PDLIM5: variants seen among roughly 807,000 people sequenced by gnomAD.
The protein encoded by PDLIM5 is PDZ and LIM domain protein 5.
Under a neutral mutation model 64.2 loss-of-function variants are expected in PDLIM5, and 34 were observed. That is an observed-to-expected ratio of 0.53 (90% CI 0.40 to 0.71). The LOEUF (loss-of-function observed/expected upper bound fraction) is 0.71, where lower values mean the gene tolerates loss of function less well. PDLIM5 is among the 30% of genes least tolerant of loss of function. PDLIM5 has a pLI of 0.00. For missense variants in PDLIM5, 683 were observed against 733.6 expected (o/e 0.93, Z 0.80); for synonymous variants, 253 against 269.1 (o/e 0.94, Z 0.59).
intron 3 of PDLIM5, among the ~76,000 whole-genome samples, chr4:94,563,051 A>G (rs1274854045): frequency 6.6e-6 from 1 of 152,184 alleles, no homozygotes; most frequent in Non-Finnish European, 1.5e-5. Context: ...AAACAAAAAT[A>G]AAGATTATTA....
intron 7 of PDLIM5, among the ~76,000 whole-genome samples, chr4:94,598,317 C>A (rs1330580566): frequency 1.3e-5 from 2 of 152,114 alleles, no homozygotes; most frequent in Non-Finnish European, 2.9e-5. Flanking sequence ...TAGTTCTGTT[C>A]TGCACTAGTA....
chr4:94,474,356 T>G (rs1481272193), intron 2 of PDLIM5, among the ~76,000 whole-genome samples: 1 of 152,172 alleles, frequency 6.6e-6, no homozygotes, highest in African/African-American at 2.4e-5. Flanking sequence ...GTTCAAGTGA[T>G]TCTTCTGCCT....
rs1400183342 is a variant in PDLIM5, at chr4:94,659,486, ATGTG to A, written c.1585+1943_1585+1946del. Among the ~76,000 whole-genome samples, 6 of 113,418 alleles carry A rather than the reference ATGTG, an allele frequency of 5.3e-5. No individual in the cohort carries two copies. The East Asian group carries it at 1.6e-3, about 30-fold the overall frequency. The allele number at this position is 113,418 out of a possible 152,430, so 74.4% of individuals were successfully genotyped here. A position where few individuals can be genotyped will look rare whatever the true frequency, so the allele number is the denominator to read the frequency against. ...CAGGCATAGAGCAGCTGTAGTATAT[ATGTG>A]TGTATGTGTGTGTGTGTGTGTGTGT... On this transcript the variant is annotated intron_variant, in intron 11 of 12. Transcript: ENST00000317968.
chr4:94,542,145 C>G (rs1055454290), intron 3 of PDLIM5, among the ~76,000 whole-genome samples: 3 of 152,016 alleles, frequency 2.0e-5, no homozygotes, highest in Admixed American at 6.6e-5. Context: ...AACTCCGTCT[C>G]TACTAAAAAT....
At chr4:94,533,722 C>G (rs1731088034) in intron 3 of PDLIM5, among the ~76,000 whole-genome samples, 1 of 152,158 alleles carries the variant, frequency 6.6e-6, no homozygotes, top group Non-Finnish European at 1.5e-5. Context: ...TTCTCTCTTC[C>G]TATTTCTCTC....
chr4:94,508,532 G>A (rs577282888), intron 2 of PDLIM5, among the ~76,000 whole-genome samples: 2 of 152,204 alleles, frequency 1.3e-5, no homozygotes, highest in East Asian at 1.9e-4. Flanking sequence ...GGGCTGGAAT[G>A]GGCTGAAGAC....
intron 3 of PDLIM5, among the ~76,000 whole-genome samples, chr4:94,539,968 CTG>C (rs1731644205): frequency 6.6e-6 from 1 of 151,922 alleles, no homozygotes; most frequent in Non-Finnish European, 1.5e-5. Flanking sequence ...TAATGGGAAA[CTG>C]TGGAAGAGTT....
At chr4:94,515,499 G>T (rs1729282436) in intron 2 of PDLIM5, among the ~76,000 whole-genome samples, 1 of 152,084 alleles carries the variant, frequency 6.6e-6, no homozygotes, top group South Asian at 2.1e-4. Flanking sequence ...GTTTTGAAAG[G>T]CCTGTGATTT....
Position 94,575,993 on chromosome 4 carries a change from A to G in PDLIM5, c.669A>G (p.Gly223=), listed in dbSNP as rs768811116. Residue 223 remains glycine (G), a synonymous_variant, in exon 5 of 13, where the codon GGA becomes GGG. Transcript: ENST00000317968. ...AGACTTCTCAGGAGCTAGCAGAGGG[A>G]CAGAGAAGAGGATCCCAGGGTGACA... ...CSETSQELAE[G]QRRGSQGDSK... 6.2e-7 allele frequency: 1 copy of G among 1,614,012 alleles called. No individual in the cohort carries two copies. Among genetic ancestry groups the G allele is most frequent in the African/African-American group, 1.3e-5 (1 of 74,914 alleles).
intron 2 of PDLIM5, among the ~76,000 whole-genome samples, chr4:94,486,674 G>C (rs1426026103): frequency 6.6e-6 from 1 of 152,088 alleles, no homozygotes; most frequent in East Asian, 1.9e-4. Context: ...TGAACACGAT[G>C]CTTGGAATTT....
rs191376280 is a variant in PDLIM5, at chr4:94,473,955, A to G, written c.96+18571A>G. 1.6e-4 allele frequency among the ~76,000 whole-genome samples: 25 copies of G among 152,300 alleles called. No homozygotes were observed. The East Asian group carries it at 4.4e-3, about 27-fold the overall frequency. On this transcript the variant is annotated intron_variant, in intron 2 of 12. Coordinates refer to ENST00000317968, the MANE Select transcript of PDLIM5 (RefSeq NM_006457.5). Reference sequence around the variant, plus strand: ...AATTTATTTTCATTGTCATCATCCTAACAATAATACTCACTTTAAAAATCA... The same window carrying G: ...AATTTATTTTCATTGTCATCATCCTGACAATAATACTCACTTTAAAAATCA...
chr4:94,545,440 GA>G, intron 3 of PDLIM5, among the ~76,000 whole-genome samples: 1 of 151,858 alleles, frequency 6.6e-6, no homozygotes, highest in Non-Finnish European at 1.5e-5. Flanking sequence ...TTTTCCGGGG[GA>G]AAAAAGGATC....
At chr4:94,510,454 T>C (rs73833924) in intron 2 of PDLIM5, among the ~76,000 whole-genome samples, 1,544 of 152,330 alleles carry the variant, frequency 0.01, 20 homozygotes, top group East Asian at 0.065. Flanking sequence ...TTCTTAGTGA[T>C]GTCTGCTTGA....
chr4:94,546,981 T>A (rs1033993709), intron 3 of PDLIM5, among the ~76,000 whole-genome samples: 2 of 151,902 alleles, frequency 1.3e-5, no homozygotes, highest in African/African-American at 4.8e-5. Flanking sequence ...GAAAAAAAAA[T>A]ATATATCTAA....
chr4:94,648,445 G>C (rs1392188836), intron 9 of PDLIM5, among the ~76,000 whole-genome samples: 1 of 152,178 alleles, frequency 6.6e-6, no homozygotes, highest in East Asian at 1.9e-4. Flanking sequence ...TTGGCCTCCT[G>C]AATAGCTGAG....
intron 1 of PDLIM5, among the ~76,000 whole-genome samples, chr4:94,453,785 T>C (rs551375675): frequency 6.6e-6 from 1 of 152,324 alleles, no homozygotes; most frequent in East Asian, 1.9e-4. Flanking sequence ...TTCACCTATA[T>C]ATACAGTTTG....
intron 7 of PDLIM5, among the ~76,000 whole-genome samples, chr4:94,593,320 T>C (rs1736816964): frequency 6.6e-6 from 1 of 152,142 alleles, no homozygotes; most frequent in Admixed American, 6.5e-5. Context: ...AAATATACTG[T>C]TTTCAGTCAG....
At chr4:94,573,046 C>T (rs1734940218) in intron 3 of PDLIM5, among the ~76,000 whole-genome samples, 1 of 152,156 alleles carries the variant, frequency 6.6e-6, no homozygotes, top group African/African-American at 2.4e-5. Context: ...GGGGGGTATC[C>T]TTAACGATTA....
At chr4:94,460,738 AATAG>A (rs1194092045) in intron 2 of PDLIM5, among the ~76,000 whole-genome samples, 1 of 152,226 alleles carries the variant, frequency 6.6e-6, no homozygotes, top group Non-Finnish European at 1.5e-5. Context: ...TTAAACTAAG[AATAG>A]ATAGATAATA....
Sources: gnomAD v4.1 joint callset for allele counts (sites outside exome capture counted in the v4.1 genomes callset) on GRCh38, gnomAD v4.1.1 for gene constraint, MANE v1.5 for transcripts, NCBI Gene and HGNC (gene_info 2026-07-23, HGNC 2026-07-21) for gene names.